JDP2: variants seen among roughly 807,000 people sequenced by gnomAD.
JDP2 encodes progesterone receptor co-activator.
In JDP2, 9 loss-of-function variants were observed where a neutral mutation model predicts 17.1. The observed-to-expected ratio is 0.53, with a 90% CI of 0.32 to 0.92. The LOEUF is 0.92. JDP2 is among the 40% of genes least tolerant of loss of function. The pLI is 0.04. For missense variants in JDP2, 179 were observed against 220.0 expected (o/e 0.81, Z 1.18); for synonymous variants, 107 against 95.6 (o/e 1.12, Z -0.69).
chr14:75,453,250 T>C (rs1444869314), intron 2 of JDP2, among the ~76,000 whole-genome samples: 1 of 152,060 alleles, frequency 6.6e-6, no homozygotes, highest in Non-Finnish European at 1.5e-5. Flanking sequence ...TGTTTGGTAT[T>C]TGGGTGTTTA....
intron 2 of JDP2, among the ~76,000 whole-genome samples, chr14:75,457,243 G>A (rs983209333): frequency 1.3e-5 from 2 of 152,212 alleles, no homozygotes; most frequent in African/African-American, 4.8e-5. Flanking sequence ...ACTCTCTGCC[G>A]TCTTTCTCCC....
chr14:75,463,226 G>A (rs965416994), intron 3 of JDP2, among the ~76,000 whole-genome samples: 4 of 152,248 alleles, frequency 2.6e-5, no homozygotes, highest in Non-Finnish European at 5.9e-5. Context: ...AGCACCTACT[G>A]TGTGCCAGGC....
chr14:75,456,914 G>T (rs1594968503), intron 2 of JDP2, among the ~76,000 whole-genome samples: 2 of 152,168 alleles, frequency 1.3e-5, no homozygotes, highest in South Asian at 4.1e-4. Flanking sequence ...GGCCCTCTTG[G>T]TCCTGAGTCC....
chr14:75,467,820 A>G (rs1025856687), intron 3 of JDP2, among the ~76,000 whole-genome samples: 3 of 152,026 alleles, frequency 2.0e-5, no homozygotes, highest in Admixed American at 2.0e-4. Flanking sequence ...CAGCCTGTGG[A>G]ACCAAAAACC....
chr14:75,437,325 A>T (rs1158683304), intron 1 of JDP2, among the ~76,000 whole-genome samples: 1 of 152,090 alleles, frequency 6.6e-6, no homozygotes, highest in Non-Finnish European at 1.5e-5. Flanking sequence ...TTCATCTCCT[A>T]CTCAGGGTGT....
In JDP2 at chr14:75,469,384, G is replaced by A. The variant is rs1332446889; in HGVS notation, c.401G>A (p.Arg134Gln). Reference protein sequence around the residue: ...ERQQLILMLNRHRPTCIVRTD... With the variant: ...ERQQLILMLNQHRPTCIVRTD... ...CAGCAGCTCATCCTGATGCTGAACC[G>A]ACACCGCCCCACCTGCATCGTCCGG... is the stretch of plus-strand genomic sequence containing the variant. Residue 134 changes from arginine (R) to glutamine (Q), a missense_variant, in exon 4 of 4, where the codon CGA (arginine) becomes CAA (glutamine). By Grantham distance (43) the Arg-to-Gln change is conservative (BLOSUM62 1). Transcript: ENST00000651602. 6.2e-6 allele frequency: 10 copies of A among 1,614,154 alleles called. No individual in the cohort carries two copies. The highest frequency in any genetic ancestry group is 4.5e-5 in the East Asian group (2 of 44,888).
intron 2 of JDP2, among the ~76,000 whole-genome samples, chr14:75,444,561 GTT>G (rs1885506318): frequency 6.6e-6 from 1 of 152,164 alleles, no homozygotes; most frequent in African/African-American, 2.4e-5. Flanking sequence ...AAGTTAGCTC[GTT>G]TCCTCATCTG....
At position 75,461,467 on chromosome 14, in the gene JDP2, G is replaced by A; in HGVS notation, c.243G>A (p.Lys81=). 3 of 1,610,400 alleles carry A rather than the reference G, an allele frequency of 1.9e-6. No homozygotes were observed. The highest frequency in any genetic ancestry group is 2.5e-6 in the Non-Finnish European group (3 of 1,178,962). ...EEERRKRRRE[K]NKVAAARCRN... The stretch of plus-strand genomic sequence containing the variant: ...AGCGAAGGAAAAGGCGCCGGGAGAA[G>A]AACAAAGTCGCAGCAGCCCGATGCC... Residue 81 remains lysine (K), a synonymous_variant, in exon 3 of 4, where the codon AAG becomes AAA. Transcript: ENST00000651602.
At chr14:75,456,121 C>G (rs912621412) in intron 2 of JDP2, among the ~76,000 whole-genome samples, 2 of 152,210 alleles carry the variant, frequency 1.3e-5, no homozygotes, top group Non-Finnish European at 2.9e-5. Context: ...CTCAAACTCC[C>G]TTCAAGCCAA....
intron 2 of JDP2, among the ~76,000 whole-genome samples, chr14:75,443,718 G>A (rs149058047): frequency 5.3e-5 from 8 of 152,170 alleles, no homozygotes; most frequent in African/African-American, 1.4e-4. Flanking sequence ...ATCAGAAGTC[G>A]GTCACACCCA....
intron 2 of JDP2, chr14:75,445,252 A>T (rs1885543340): frequency 4.3e-5 from 42 of 985,396 alleles, no homozygotes; most frequent in Non-Finnish European, 5.1e-5. Context: ...GATCTAGAGG[A>T]ACTCATGGAT....
At chr14:75,460,590 G>A (rs1886309223) in intron 2 of JDP2, among the ~76,000 whole-genome samples, 1 of 152,200 alleles carries the variant, frequency 6.6e-6, no homozygotes, top group South Asian at 2.1e-4. Context: ...TACCCAGAGG[G>A]CTTGGGCTGG....
intron 1 of JDP2, among the ~76,000 whole-genome samples, chr14:75,431,973 C>T (rs1192283436): frequency 6.6e-6 from 1 of 152,246 alleles, no homozygotes; most frequent in Non-Finnish European, 1.5e-5. Context: ...TTATTCTTTA[C>T]AGCTGAGGAA....
intron 2 of JDP2, among the ~76,000 whole-genome samples, chr14:75,443,072 T>G (rs1885428098): frequency 2.0e-5 from 3 of 152,072 alleles, no homozygotes; most frequent in African/African-American, 7.2e-5. Flanking sequence ...TTTCCCATCT[T>G]CTCCAGGGTC....
At chr14:75,443,611 C>T (rs1477196226) in intron 2 of JDP2, among the ~76,000 whole-genome samples, 1 of 152,152 alleles carries the variant, frequency 6.6e-6, no homozygotes. Flanking sequence ...TAGTTAAAGG[C>T]AGCTATGAGT....
chr14:75,439,107 T>TGAAGTGCTG (rs938002454), intron 2 of JDP2, among the ~76,000 whole-genome samples: 1 of 152,072 alleles, frequency 6.6e-6, no homozygotes, highest in African/African-American at 2.4e-5. Context: ...CTCGGAGGGC[T>TGAAGTGCTG]GAAGTGCTGG....
intron 2 of JDP2, among the ~76,000 whole-genome samples, chr14:75,448,016 C>T (rs922254917): frequency 6.6e-5 from 10 of 151,998 alleles, no homozygotes; most frequent in East Asian, 1.9e-4. Context: ...AAACTGAATG[C>T]GCAAGAAAAA....
Position 75,428,036 on chromosome 14 carries a change from C to T in JDP2, c.-240C>T, listed in dbSNP as rs1884601382. 6.7e-6 allele frequency: 1 copy of T among 150,338 alleles called. No homozygotes were observed. The highest frequency in any genetic ancestry group is 1.5e-5 in the Non-Finnish European group (1 of 67,378). 9.3% of individuals were successfully genotyped at this position (150,338 alleles called of 1,614,324 possible). On this transcript the variant is annotated 5_prime_UTR_variant, in exon 1 of 4. Transcript: ENST00000651602. This position sits in a 1 kb window ranked among gnomAD's most constrained non-coding sequence, Gnocchi z 5.6. The stretch of plus-strand genomic sequence containing the variant: ...CAACCCGTCCCGCCGCCCGCCACAG[C>T]CTGCGGGAGGGACGCTCGGCGGCCG...
At chr14:75,437,054 C>T (rs1163419682) in intron 1 of JDP2, among the ~76,000 whole-genome samples, 3 of 151,622 alleles carry the variant, frequency 2.0e-5, no homozygotes, top group Admixed American at 6.6e-5. Flanking sequence ...ATTAGCTGGG[C>T]GTGGTGGCAG....
Sources: allele counts gnomAD v4.1 joint callset (sites outside exome capture counted in the v4.1 genomes callset), GRCh38; gene constraint gnomAD v4.1.1; non-coding constraint Gnocchi (gnomAD v3.1); transcripts MANE v1.5; gene names NCBI Gene and HGNC (gene_info 2026-07-23, HGNC 2026-07-21).